Variants in IPO11 observed in about 807,000 individuals in gnomAD.
IPO11 encodes importin 11.
IPO11 carries 66 observed loss-of-function variants against 143.2 expected under a neutral mutation model. The observed-to-expected ratio is 0.46, with a 90% CI of 0.38 to 0.57. The LOEUF (loss-of-function observed/expected upper bound fraction) is 0.57. Ranked by LOEUF, IPO11 falls within the 20% of genes least tolerant of loss-of-function variation. The pLI is 0.00. For missense variants in IPO11, 1,026 were observed against 1,141.0 expected, an observed-to-expected ratio of 0.90 and a Z score of 1.45; for synonymous variants, 385 against 377.8, an observed-to-expected ratio of 1.02 and a Z score of -0.22.
intron 29 of IPO11, among the ~76,000 whole-genome samples, chr5:62,604,468 C>T (rs1745626640): frequency 6.6e-6 from 1 of 152,166 alleles, no homozygotes; most frequent in Non-Finnish European, 1.5e-5. Flanking sequence ...ACCTTGGCCT[C>T]CCAAAGTGCT....
At position 62,419,150 on chromosome 5, in the gene IPO11, A is replaced by G. The variant is rs910136933; in HGVS notation, c.-7+6221A>G. 82 of 1,544,910 alleles carry G rather than the reference A, an allele frequency of 5.3e-5. 3 individuals are homozygous for G. Among genetic ancestry groups the G allele is most frequent in the Non-Finnish European group, 3.0e-5 (34 of 1,145,988 alleles). On this transcript the variant is annotated intron_variant, in intron 1 of 29. Transcript: ENST00000325324. ...ATGGTAAGTATTTGTGTGTTTAAACATGTCTAAACTTAGAAAGGTACTGTA... is the reference window on the plus strand; with the variant it reads ...ATGGTAAGTATTTGTGTGTTTAAACGTGTCTAAACTTAGAAAGGTACTGTA...
intron 29 of IPO11, among the ~76,000 whole-genome samples, chr5:62,606,214 C>T (rs995750417): frequency 2.5e-4 from 38 of 151,740 alleles, no homozygotes; most frequent in African/African-American, 9.0e-4. Context: ...GGCGTGGTGG[C>T]TTATGCCTGT....
At chr5:62,455,234 TA>T (rs908927023) in intron 5 of IPO11, among the ~76,000 whole-genome samples, 2 of 151,986 alleles carry the variant, frequency 1.3e-5, no homozygotes, top group African/African-American at 4.8e-5. Context: ...GTTTCCTACA[TA>T]AAAAAATGTA....
intron 23 of IPO11, 54 bp from the exon 24 acceptor site, chr5:62,537,155 T>A (rs1311333155): frequency 4.7e-6 from 5 of 1,065,460 alleles, no homozygotes; most frequent in Non-Finnish European, 7.1e-6. Flanking sequence ...ATTTTATGCC[T>A]TTTTGATATT....
intron 6 of IPO11, among the ~76,000 whole-genome samples, chr5:62,469,741 T>A (rs912639616): frequency 4.6e-5 from 7 of 152,172 alleles, no homozygotes; most frequent in African/African-American, 7.2e-5. Context: ...CCTGCTTATC[T>A]CTCTGTGTAC....
chr5:62,470,143 G>C lies in IPO11; in HGVS notation c.650-107G>C, dbSNP rs1561323889. 7.5e-6 allele frequency: 8 copies of C among 1,068,774 alleles called. No homozygotes were observed. The East Asian group carries it at 2.0e-4, about 26-fold the overall frequency. 66.2% of individuals were successfully genotyped at this position (1,068,774 alleles called of 1,614,324 possible). Reference sequence around the variant, plus strand: ...GACCAGGAGTTAACTTTCCAACCCAGATTAACCTCCAAGCTTGATTAAGTT... The same window carrying C: ...GACCAGGAGTTAACTTTCCAACCCACATTAACCTCCAAGCTTGATTAAGTT... On this transcript the variant is annotated intron_variant, in intron 6 of 29. Coordinates refer to ENST00000325324, the MANE Select transcript of IPO11 (RefSeq NM_016338.5).
intron 29 of IPO11, among the ~76,000 whole-genome samples, chr5:62,615,106 G>A (rs2112471585): frequency 6.6e-6 from 1 of 152,274 alleles, no homozygotes; most frequent in South Asian, 2.1e-4. Context: ...TATAGGTACA[G>A]GATAAGGGGG....
chr5:62,432,009 A>G (rs1015758811), intron 1 of IPO11, among the ~76,000 whole-genome samples: 2 of 152,062 alleles, frequency 1.3e-5, no homozygotes, highest in Admixed American at 1.3e-4. Flanking sequence ...CCACTCCCGT[A>G]TGTTTTTTAT....
chr5:62,474,686 G>A (rs1423702723), intron 8 of IPO11, among the ~76,000 whole-genome samples: 4 of 152,188 alleles, frequency 2.6e-5, no homozygotes, highest in Admixed American at 2.6e-4. Flanking sequence ...TGAGTATTTT[G>A]TATCAACTTT....
chr5:62,589,152 C>T (rs1744919936), intron 27 of IPO11, among the ~76,000 whole-genome samples: 1 of 152,144 alleles, frequency 6.6e-6, no homozygotes, highest in Non-Finnish European at 1.5e-5. Flanking sequence ...CCTGTACTTT[C>T]AGCTGTTCAG....
intron 29 of IPO11, among the ~76,000 whole-genome samples, chr5:62,626,736 CTG>C (rs1221070512): frequency 6.6e-6 from 1 of 151,034 alleles, no homozygotes; most frequent in Non-Finnish European, 1.5e-5. Context: ...AGGGCAAACA[CTG>C]TCTCCTTTCT....
chr5:62,579,721 A>T, intron 27 of IPO11: 4 of 1,548,450 alleles, frequency 2.6e-6, no homozygotes, highest in Non-Finnish European at 3.5e-6. Context: ...GGATAATTCT[A>T]ACATTCTGTA....
intron 5 of IPO11, among the ~76,000 whole-genome samples, chr5:62,463,855 GCT>G (rs1475269604): frequency 6.7e-6 from 1 of 148,434 alleles, no homozygotes. Context: ...ACAGAGTCTC[GCT>G]CTGTTACGCA....
intron 26 of IPO11, among the ~76,000 whole-genome samples, chr5:62,559,132 C>G (rs528262932): frequency 4.6e-5 from 7 of 152,084 alleles, no homozygotes; most frequent in Non-Finnish European, 1.0e-4. Flanking sequence ...GCTGGCTGAT[C>G]AGGATGGTGG....
chr5:62,537,370 CGCAAGAAGGAGA>C, intron 24 of IPO11, 81 bp downstream of exon 24: 4 of 926,324 alleles, frequency 4.3e-6, no homozygotes, highest in Non-Finnish European at 5.1e-6. Flanking sequence ...TTGGATGGTT[CGCAAGAAGGAGA>C]AGAGTTGATA....
chr5:62,473,710 C>G (rs1397886334), intron 7 of IPO11, among the ~76,000 whole-genome samples: 2 of 152,048 alleles, frequency 1.3e-5, no homozygotes, highest in Non-Finnish European at 2.9e-5. Context: ...TTTATTGATA[C>G]AAAGATGTCT....
At chr5:62,545,343 T>TG (rs1454270460) in intron 24 of IPO11, among the ~76,000 whole-genome samples, 2 of 152,102 alleles carry the variant, frequency 1.3e-5, no homozygotes, top group African/African-American at 4.8e-5. Flanking sequence ...AAACAAGCAA[T>TG]GGGGAAAGGA....
intron 29 of IPO11, among the ~76,000 whole-genome samples, chr5:62,605,249 GGTAGAGAATAGCA>G (rs1745662997): frequency 3.9e-5 from 6 of 152,168 alleles, no homozygotes; most frequent in Admixed American, 3.9e-4. Flanking sequence ...CAGCTGCTTT[GGTAGAGAATAGCA>G]GTAGTGATTG....
intron 5 of IPO11, among the ~76,000 whole-genome samples, chr5:62,454,484 G>A (rs1745054300): frequency 1.3e-5 from 2 of 152,114 alleles, no homozygotes; most frequent in Non-Finnish European, 2.9e-5. Flanking sequence ...CTTTATCAAA[G>A]TTCACTCTCT....
Sources: gnomAD v4.1 joint callset for allele counts (sites outside exome capture counted in the v4.1 genomes callset) on GRCh38, gnomAD v4.1.1 for gene constraint, MANE v1.5 for transcripts, NCBI Gene and HGNC (gene_info 2026-07-23, HGNC 2026-07-21) for gene names.